SLC4A8: variants seen among roughly 807,000 people sequenced by gnomAD.
SLC4A8 encodes solute carrier family 4 member 8.
Under a neutral mutation model 125.0 loss-of-function variants are expected in SLC4A8, and 40 were observed. That is an observed-to-expected ratio of 0.32 (90% CI 0.25 to 0.42). The LOEUF (loss-of-function observed/expected upper bound fraction) is 0.42, where lower values mean the gene tolerates loss of function less well. Ranked by LOEUF, SLC4A8 falls within the 10% of genes least tolerant of loss-of-function variation. The probability of loss-of-function intolerance (pLI) is 1.00; values close to 1 mark genes in which losing one functional copy is unlikely to be tolerated. For missense variants in SLC4A8, 863 were observed against 1,355.1 expected (o/e 0.64, Z 5.70); for synonymous variants, 456 against 476.0 (o/e 0.96, Z 0.55).
At chr12:51,392,859 C>T (rs1299092533) in intron 1 of SLC4A8, 1 of 152,102 alleles carries the variant, frequency 6.6e-6, no homozygotes, top group African/African-American at 2.4e-5. Context: ...CTTTTGGGGC[C>T]TTAGCAACAG....
chr12:51,496,924 GCTTTT>G, intron 21 of SLC4A8, 58 bp from the exon 22 acceptor site: 2 of 1,547,154 alleles, frequency 1.3e-6, no homozygotes, highest in Non-Finnish European at 1.8e-6. Context: ...ATAAGGCTTT[GCTTTT>G]AAGTCCAGGA....
intron 7 of SLC4A8, 101 bp from the exon 8 acceptor site, chr12:51,459,850 T>C (rs964029607): frequency 1.9e-5 from 18 of 969,054 alleles, no homozygotes; most frequent in Non-Finnish European, 2.7e-5. Context: ...GAGTGGGTGA[T>C]GTAGTGAGAC....
At chr12:51,483,859 G>C (rs144190130) in intron 16 of SLC4A8, among the ~76,000 whole-genome samples, 223 of 152,062 alleles carry the variant, frequency 1.5e-3, no homozygotes, top group African/African-American at 5.1e-3. Context: ...ATTTACATTA[G>C]GTATATCTCC....
At chr12:51,452,795 C>T (rs1950008820) in intron 4 of SLC4A8, among the ~76,000 whole-genome samples, 1 of 152,226 alleles carries the variant, frequency 6.6e-6, no homozygotes, top group Non-Finnish European at 1.5e-5. Context: ...AATTATGCTT[C>T]TCTGAGACTC....
At chr12:51,448,746 A>G (rs1949869589) in intron 2 of SLC4A8, among the ~76,000 whole-genome samples, 1 of 152,154 alleles carries the variant, frequency 6.6e-6, no homozygotes, top group Admixed American at 6.5e-5. Flanking sequence ...GTAAGATGAT[A>G]GAGATTTGGT....
intron 24 of SLC4A8, among the ~76,000 whole-genome samples, chr12:51,506,521 GC>G (rs1449525777): frequency 3.2e-4 from 48 of 151,510 alleles, no homozygotes; most frequent in African/African-American, 1.2e-3. Context: ...TGTAATCTCT[GC>G]CATCCGGGCT....
intron 1 of SLC4A8, among the ~76,000 whole-genome samples, chr12:51,399,244 CTTAT>C (rs532685183): frequency 1.3e-3 from 198 of 152,258 alleles, no homozygotes; most frequent in African/African-American, 4.4e-3. Flanking sequence ...CCCGTGGAAT[CTTAT>C]TTACTTATTT....
At chr12:51,416,679 T>C (rs1948693181) in intron 1 of SLC4A8, among the ~76,000 whole-genome samples, 1 of 152,112 alleles carries the variant, frequency 6.6e-6, no homozygotes, top group African/African-American at 2.4e-5. Flanking sequence ...AATGAACATC[T>C]GTAAAGCTTC....
intron 7 of SLC4A8, 29 bp from the exon 8 acceptor site, chr12:51,459,922 G>T (rs1950270712): frequency 1.9e-6 from 3 of 1,584,066 alleles, no homozygotes; most frequent in East Asian, 2.2e-5. Flanking sequence ...TGGTTCCCAA[G>T]TTGTCAGATG....
upstream of SLC4A8, among the ~76,000 whole-genome samples, chr12:51,421,040 G>A (rs1381266018): frequency 1.3e-5 from 2 of 152,064 alleles, no homozygotes; most frequent in African/African-American, 4.8e-5. Flanking sequence ...GTGTGTGCAT[G>A]TGTTGTCTCT....
At chr12:51,454,203 A>T (rs1382399468) in intron 5 of SLC4A8, among the ~76,000 whole-genome samples, 2 of 152,204 alleles carry the variant, frequency 1.3e-5, no homozygotes, top group Non-Finnish European at 2.9e-5. Flanking sequence ...AGGCTCAGGC[A>T]CGAGGATCAC....
At chr12:51,462,562 T>C in intron 10 of SLC4A8, 106 bp downstream of exon 10, 1 of 841,906 alleles carries the variant, frequency 1.2e-6, no homozygotes, top group Non-Finnish European at 1.7e-6. Flanking sequence ...AAGATGCAGC[T>C]CTGTTTTGGT....
rs1948906007 is a variant in SLC4A8, at chr12:51,424,877, G to A, written c.-111G>A. ...CGGCGGCGGTTGATGGTTGACCGTT[G>A]GCTCCGGGGTGGGGGTCGCCGTTCG... On this transcript the variant is annotated 5_prime_UTR_variant, in exon 1 of 25. The change creates a premature stop within an existing upstream ORF in the 5' untranslated region. Coordinates refer to ENST00000453097, the MANE Select transcript of SLC4A8 (RefSeq NM_001039960.3). 1.7e-6 allele frequency: 2 copies of A among 1,191,620 alleles called. No homozygotes were observed. The highest frequency in any genetic ancestry group is 2.4e-6 in the Non-Finnish European group (2 of 841,780). The allele number at this position is 1,191,620 out of a possible 1,614,324, so 73.8% of individuals were successfully genotyped here. A position where few individuals can be genotyped will look rare whatever the true frequency, so the allele number is the denominator to read the frequency against.
At chr12:51,488,968 G>A in intron 18 of SLC4A8, 108 bp downstream of exon 18, 2 of 752,050 alleles carry the variant, frequency 2.7e-6, no homozygotes, top group African/African-American at 1.8e-5. Context: ...TCATAGAAGA[G>A]GTTCATAAGG....
chr12:51,471,399 C>T lies in SLC4A8; in HGVS notation c.1771C>T (p.Arg591Cys), dbSNP rs766335883. The change falls in exon 14 of 25, where the codon CGT (arginine) becomes TGT (cysteine). Residue 591 changes from arginine to cysteine, a missense_variant. This residue lies in a region of SLC4A8 where 390 missense variants were observed against 634.4 expected (regional missense o/e 0.61). Transcript: ENST00000453097. ...DASSLVCYIT[R>C]FTEEAFASLI... ...CAGTTCCCTTGTCTGCTACATTACC[C>T]GTTTCACTGAAGAAGCATTTGCCTC... 7 of 1,614,036 alleles carry T rather than the reference C, an allele frequency of 4.3e-6. No homozygotes were observed. Among genetic ancestry groups the T allele is most frequent in the East Asian group, 2.2e-5 (1 of 44,896 alleles).
At chr12:51,440,110 C>T (rs377614854) in intron 1 of SLC4A8, among the ~76,000 whole-genome samples, 23 of 152,080 alleles carry the variant, frequency 1.5e-4, no homozygotes, top group Admixed American at 1.5e-3. Flanking sequence ...TCAAGGACAG[C>T]GTGTGGTAAA....
chr12:51,397,493 G>T (rs1016975423), intron 1 of SLC4A8, among the ~76,000 whole-genome samples: 1 of 152,112 alleles, frequency 6.6e-6, no homozygotes, highest in Non-Finnish European at 1.5e-5. Context: ...GAGAAGGGTT[G>T]AAAGAGTCAG....
At chr12:51,484,642 A>C (rs1951116803) in intron 16 of SLC4A8, among the ~76,000 whole-genome samples, 1 of 152,114 alleles carries the variant, frequency 6.6e-6, no homozygotes, top group South Asian at 2.1e-4. Context: ...ACGTGTGGCT[A>C]AGATATGTTT....
chr12:51,507,364 G>A (rs370377289), intron 24 of SLC4A8, 62 bp from the exon 25 acceptor site: 43 of 1,116,922 alleles, frequency 3.8e-5, no homozygotes, highest in Non-Finnish European at 4.8e-5. Flanking sequence ...TCAAAGTATT[G>A]TGTTAAAAGG....
Sources: allele counts gnomAD v4.1 joint callset (sites outside exome capture counted in the v4.1 genomes callset), GRCh38; gene constraint gnomAD v4.1.1; regional missense constraint gnomAD v4.1.1; transcripts MANE v1.5; gene names NCBI Gene and HGNC (gene_info 2026-07-23, HGNC 2026-07-21).